CTNNA2: variants seen among roughly 807,000 people sequenced by gnomAD.
CTNNA2 encodes catenin alpha-2.
CTNNA2 carries 42 observed loss-of-function variants against 101.0 expected under a neutral mutation model. The observed-to-expected ratio is 0.42, with a 90% CI of 0.32 to 0.54. The LOEUF is 0.54. Ranked by LOEUF, CTNNA2 falls within the 20% of genes least tolerant of loss-of-function variation. CTNNA2 has a pLI of 0.14. For missense variants in CTNNA2, 871 were observed against 1,223.1 expected (o/e 0.71, Z 4.29); for synonymous variants, 450 against 456.4 (o/e 0.99, Z 0.18).
chr2:80,015,494 G>A (rs1694080441), intron 7 of CTNNA2, among the ~76,000 whole-genome samples: 2 of 152,106 alleles, frequency 1.3e-5, no homozygotes, highest in Admixed American at 1.3e-4. Flanking sequence ...TCCAATTACA[G>A]TTGTTTCTCC....
chr2:80,123,621 C>T (rs1434890416), intron 7 of CTNNA2, among the ~76,000 whole-genome samples: 1 of 152,136 alleles, frequency 6.6e-6, no homozygotes, highest in Non-Finnish European at 1.5e-5. Flanking sequence ...ATCTGACTTT[C>T]CTATTTCTTG....
intron 18 of CTNNA2, among the ~76,000 whole-genome samples, chr2:80,642,124 C>T (rs749863345): frequency 4.6e-5 from 7 of 152,044 alleles, no homozygotes; most frequent in South Asian, 2.1e-4. Flanking sequence ...TTTATATTTC[C>T]GCAATCTAGG....
intron 4 of CTNNA2, among the ~76,000 whole-genome samples, chr2:79,472,300 A>G (rs1671008525): frequency 6.6e-6 from 1 of 152,212 alleles, no homozygotes; most frequent in Non-Finnish European, 1.5e-5. Flanking sequence ...AGGTGGTGGT[A>G]CTGCACGTGC....
intron 9 of CTNNA2, among the ~76,000 whole-genome samples, chr2:80,484,148 C>A (rs1213586009): frequency 6.6e-6 from 1 of 151,568 alleles, no homozygotes; most frequent in Non-Finnish European, 1.5e-5. Context: ...TATAGAAAAC[C>A]AAACATTGGT....
chr2:79,844,740 A>G (rs942383266), intron 3 of CTNNA2, among the ~76,000 whole-genome samples: 1 of 152,234 alleles, frequency 6.6e-6, no homozygotes, highest in Admixed American at 6.5e-5. Flanking sequence ...CTTGAACTTG[A>G]ACTATTGATG....
chr2:79,602,894 C>G (rs1008625486), intron 1 of CTNNA2, among the ~76,000 whole-genome samples: 3 of 152,044 alleles, frequency 2.0e-5, no homozygotes, highest in African/African-American at 7.2e-5. Flanking sequence ...AAGATTAATC[C>G]ATAAATTCAA....
In CTNNA2 at chr2:80,648,533, A is replaced by G. The variant is rs1039749615; in HGVS notation, c.*661A>G. ...TGAAAACAATAAACATCTATTTGAG[A>G]CAATTAAAATCCTTCTGGGGGCACT... On this transcript the variant is annotated 3_prime_UTR_variant, in exon 19 of 19. Coordinates refer to ENST00000402739, the MANE Select transcript of CTNNA2 (RefSeq NM_001282597.3). 1 of 152,584 alleles carries G rather than the reference A, an allele frequency of 6.6e-6. No homozygotes were observed. The highest frequency in any genetic ancestry group is 1.5e-5 in the Non-Finnish European group (1 of 68,026). 9.5% of individuals were successfully genotyped at this position (152,584 alleles called of 1,614,324 possible). A position where few individuals can be genotyped will look rare whatever the true frequency, so the allele number is the denominator to read the frequency against.
intron 8 of CTNNA2, among the ~76,000 whole-genome samples, chr2:80,413,887 T>C (rs1482567459): frequency 6.6e-6 from 1 of 152,232 alleles, no homozygotes; most frequent in African/African-American, 2.4e-5. Context: ...CTGGTATTTC[T>C]TAAATCATTG....
At chr2:79,944,544 G>T (rs1210679559) in intron 7 of CTNNA2, among the ~76,000 whole-genome samples, 3 of 152,148 alleles carry the variant, frequency 2.0e-5, no homozygotes, top group African/African-American at 7.2e-5. Context: ...CAAATACTGG[G>T]GCATGGTACA....
At chr2:79,622,303 A>G (rs534531847) in intron 1 of CTNNA2, among the ~76,000 whole-genome samples, 1 of 152,054 alleles carries the variant, frequency 6.6e-6, no homozygotes, top group South Asian at 2.1e-4. Flanking sequence ...ATCCCCCTCT[A>G]TATTTCTTCC....
intron 7 of CTNNA2, among the ~76,000 whole-genome samples, chr2:80,346,536 A>G (rs556063730): frequency 2.7e-4 from 41 of 152,254 alleles, no homozygotes; most frequent in African/African-American, 9.9e-4. Flanking sequence ...ACAATTCAAC[A>G]TGAAATTGGG....
chr2:80,591,457 G>GTTTTTTTTTTTTTTTTTTT lies in CTNNA2; in HGVS notation c.2189+1975_2189+1993dup, dbSNP rs567131551. Among the ~76,000 whole-genome samples the GTTTTTTTTTTTTTTTTTTT allele has an allele frequency of 7.6e-3, 533 of 70,302 alleles. 109 individuals carry two copies. Among genetic ancestry groups the GTTTTTTTTTTTTTTTTTTT allele is most frequent in the Non-Finnish European group, 0.011 (374 of 33,370 alleles). 46.1% of individuals were successfully genotyped at this position (70,302 alleles called of 152,430 possible). A position where few individuals can be genotyped will look rare whatever the true frequency, so the allele number is the denominator to read the frequency against. ...ATTGCTGCCTCCATCTGCACAGCCT[G>GTTTTTTTTTTTTTTTTTTT]TTTTTTTTTTTTTTTTTTTTTGCAA... On this transcript the variant is annotated intron_variant, in intron 15 of 18. Coordinates refer to ENST00000402739, the MANE Select transcript of CTNNA2 (RefSeq NM_001282597.3).
chr2:80,135,725 GTC>G (rs2148901241), intron 7 of CTNNA2, among the ~76,000 whole-genome samples: 1 of 152,264 alleles, frequency 6.6e-6, no homozygotes, highest in South Asian at 2.1e-4. Flanking sequence ...GGAATTTACA[GTC>G]TAGACTCCAG....
intron 2 of CTNNA2, among the ~76,000 whole-genome samples, chr2:79,209,571 T>G (rs933576126): frequency 6.6e-6 from 1 of 152,214 alleles, no homozygotes; most frequent in Non-Finnish European, 1.5e-5. Context: ...TTCTGAAAAC[T>G]GTCTTTTAAT....
At chr2:79,297,080 C>A (rs1012420519) in intron 2 of CTNNA2, among the ~76,000 whole-genome samples, 2 of 152,154 alleles carry the variant, frequency 1.3e-5, no homozygotes, top group African/African-American at 4.8e-5. Flanking sequence ...CTCCTCCACC[C>A]TTACTGAGAA....
chr2:80,158,997 T>C (rs1429719959), intron 7 of CTNNA2, among the ~76,000 whole-genome samples: 1 of 152,174 alleles, frequency 6.6e-6, no homozygotes, highest in Non-Finnish European at 1.5e-5. Context: ...ATCATTATTC[T>C]CTGGAGATTC....
At chr2:79,435,644 T>C (rs1300944492) in intron 4 of CTNNA2, among the ~76,000 whole-genome samples, 2 of 152,084 alleles carry the variant, frequency 1.3e-5, no homozygotes, top group African/African-American at 4.8e-5. Flanking sequence ...CCCCACAAAA[T>C]ATAAGAAAAA....
intron 2 of CTNNA2, among the ~76,000 whole-genome samples, chr2:79,685,073 T>C (rs967142806): frequency 2.6e-5 from 4 of 152,218 alleles, no homozygotes; most frequent in Admixed American, 6.5e-5. Context: ...TGGAATATTA[T>C]TAATAGATTT....
intron 7 of CTNNA2, among the ~76,000 whole-genome samples, chr2:79,983,859 AGC>A (rs1214174604): frequency 6.6e-6 from 1 of 152,198 alleles, no homozygotes; most frequent in Non-Finnish European, 1.5e-5. Context: ...TTGAAGGGCT[AGC>A]CTGGGAACTG....
Sources: allele counts gnomAD v4.1 joint callset (sites outside exome capture counted in the v4.1 genomes callset), GRCh38; gene constraint gnomAD v4.1.1; transcripts MANE v1.5; gene names NCBI Gene and HGNC (gene_info 2026-07-23, HGNC 2026-07-21).